WDPCP: variants seen among roughly 807,000 people sequenced by gnomAD.
The protein encoded by WDPCP is WD repeat containing planar cell polarity effector.
A neutral mutation model predicts 93.1 loss-of-function variants in WDPCP; 71 were observed. The observed-to-expected ratio is 0.76, with a 90% confidence interval of 0.63 to 0.93. The LOEUF is 0.93. Ranked by LOEUF, WDPCP falls within the 40% of genes least tolerant of loss-of-function variation. The probability of loss-of-function intolerance (pLI) is 0.00; values close to 1 mark genes in which losing one functional copy is unlikely to be tolerated. For synonymous variants in WDPCP, 315 were observed against 315.0 expected (o/e 1.00, Z 0.00); for missense variants, 844 against 887.4 (o/e 0.95, Z 0.62).
intron 1 of WDPCP, among the ~76,000 whole-genome samples, chr2:63,825,390 A>G (rs1407583976): frequency 3.9e-5 from 6 of 152,140 alleles, no homozygotes; most frequent in East Asian, 1.9e-4. Context: ...TGTTGTTGCT[A>G]TTGTTCAAGG....
At chr2:63,838,218 A>T in the WDPCP span, among the ~76,000 whole-genome samples, 2 of 152,232 alleles carry the variant, frequency 1.3e-5, no homozygotes, top group Admixed American at 6.5e-5. Context: ...CACTGTGCCA[A>T]GCATTAAATC....
chr2:63,676,032 CTTAGATATTA>C (rs1298828464), intron 2 of WDPCP, among the ~76,000 whole-genome samples: 1 of 152,112 alleles, frequency 6.6e-6, no homozygotes, highest in Non-Finnish European at 1.5e-5. Context: ...TTTACTTTTA[CTTAGATATTA>C]TTAGATAGAG....
At chr2:63,794,634 C>T (rs1472113405) in intron 2 of WDPCP, among the ~76,000 whole-genome samples, 1 of 152,180 alleles carries the variant, frequency 6.6e-6, no homozygotes, top group Non-Finnish European at 1.5e-5. Flanking sequence ...CCTTGTTGAA[C>T]TGCATTTCAG....
chr2:63,382,643 A>G (rs1317056781), intron 10 of WDPCP, among the ~76,000 whole-genome samples: 7 of 152,152 alleles, frequency 4.6e-5, no homozygotes, highest in Admixed American at 1.3e-4. Context: ...ATATTACTGT[A>G]ATTCTTTTTA....
intron 2 of WDPCP, among the ~76,000 whole-genome samples, chr2:63,721,379 T>C (rs1451299786): frequency 6.6e-6 from 1 of 152,130 alleles, no homozygotes; most frequent in Non-Finnish European, 1.5e-5. Flanking sequence ...TCCTGTGTTA[T>C]CTCTGGAACT....
intron 3 of WDPCP, chr2:63,622,904 GGCCAGGCCGGGGCTCGGCGCACACCTGCT>G: frequency 7.8e-7 from 1 of 1,284,950 alleles, no homozygotes; most frequent in Admixed American, 1.9e-5. Flanking sequence ...GCGGGGGCCG[GGCCAGGCCGGGGCTCGGCGCACACCTGCT>G]GCCAGGCTCG....
At chr2:63,482,603 C>T (rs912240725) in intron 6 of WDPCP, among the ~76,000 whole-genome samples, 27 of 151,830 alleles carry the variant, frequency 1.8e-4, no homozygotes, top group African/African-American at 6.3e-4. Context: ...TGAAATAGAA[C>T]CTACATAGAT....
At chr2:63,453,846 A>G (rs990954843) in intron 6 of WDPCP, among the ~76,000 whole-genome samples, 12 of 151,284 alleles carry the variant, frequency 7.9e-5, no homozygotes, top group Non-Finnish European at 1.6e-4. Context: ...TCGCAAGGAC[A>G]AAAAACCAAA....
chr2:63,267,409 C>T (rs542263796), intron 13 of WDPCP, among the ~76,000 whole-genome samples: 1 of 152,026 alleles, frequency 6.6e-6, no homozygotes, highest in South Asian at 2.1e-4. Context: ...GGAAAAACTC[C>T]TCAACATTTG....
intron 13 of WDPCP, among the ~76,000 whole-genome samples, chr2:63,283,282 A>G (rs1683712203): frequency 6.6e-6 from 1 of 152,188 alleles, no homozygotes; most frequent in African/African-American, 2.4e-5. Context: ...GGCTCAAGCA[A>G]TCCGCCTGCC....
intron 10 of WDPCP, among the ~76,000 whole-genome samples, chr2:63,396,328 CTGTT>C (rs1265883777): frequency 6.6e-6 from 1 of 152,124 alleles, no homozygotes; most frequent in Non-Finnish European, 1.5e-5. Context: ...AAAAATCATA[CTGTT>C]TGTTTTTTAG....
chr2:63,291,990 G>A (rs566484646), intron 13 of WDPCP, among the ~76,000 whole-genome samples: 21 of 151,454 alleles, frequency 1.4e-4, no homozygotes, highest in Admixed American at 3.9e-4. Context: ...AAAATTAGCC[G>A]GGCGCGGTGG....
At chr2:63,463,007 G>A (rs1699120898) in intron 6 of WDPCP, among the ~76,000 whole-genome samples, 1 of 152,104 alleles carries the variant, frequency 6.6e-6, no homozygotes, top group South Asian at 2.1e-4. Flanking sequence ...AACCATGGAA[G>A]CTGTGGTTAT....
At chr2:63,477,395 A>C (rs951973470) in intron 6 of WDPCP, among the ~76,000 whole-genome samples, 7 of 152,182 alleles carry the variant, frequency 4.6e-5, no homozygotes, top group Non-Finnish European at 1.0e-4. Context: ...ATACCTTTTA[A>C]TGTATCCCAA....
intron 14 of WDPCP, among the ~76,000 whole-genome samples, chr2:63,193,798 T>A (rs1038656176): frequency 2.0e-5 from 3 of 152,320 alleles, no homozygotes; most frequent in African/African-American, 7.2e-5. Flanking sequence ...TTTATCAAAA[T>A]AGAGCAGTCA....
intron 17 of WDPCP, among the ~76,000 whole-genome samples, chr2:63,146,897 C>T (rs573787310): frequency 2.0e-5 from 3 of 152,240 alleles, no homozygotes; most frequent in African/African-American, 4.8e-5. Flanking sequence ...AGTGGGCATA[C>T]GGATGTTTAC....
At chr2:63,634,361 C>T (rs1439102354) in intron 3 of WDPCP, among the ~76,000 whole-genome samples, 1 of 152,106 alleles carries the variant, frequency 6.6e-6, no homozygotes, top group Non-Finnish European at 1.5e-5. Flanking sequence ...TATTGGAACA[C>T]ACAAATATAT....
At chr2:63,383,109 A>T (rs1692450578) in intron 10 of WDPCP, among the ~76,000 whole-genome samples, 1 of 152,146 alleles carries the variant, frequency 6.6e-6, no homozygotes, top group Non-Finnish European at 1.5e-5. Flanking sequence ...ATCATAATAA[A>T]ATCATTGAAA....
chr2:63,239,435 T>C (rs868000981), intron 14 of WDPCP, among the ~76,000 whole-genome samples: 22 of 152,140 alleles, frequency 1.4e-4, no homozygotes, highest in South Asian at 2.1e-4. Context: ...AATTGTAAAA[T>C]GGTAAAAACA....
Sources: allele counts gnomAD v4.1 joint callset (sites outside exome capture counted in the v4.1 genomes callset), GRCh38; gene constraint gnomAD v4.1.1; transcripts MANE v1.5; gene names NCBI Gene and HGNC (gene_info 2026-07-23, HGNC 2026-07-21).